FIG4: variants seen among roughly 807,000 people sequenced by gnomAD.
FIG4 encodes polyphosphoinositide phosphatase.
In FIG4, 112 loss-of-function variants were observed where a neutral mutation model predicts 118.6. That is an observed-to-expected ratio of 0.94 (90% confidence interval 0.81 to 1.11). FIG4 has a LOEUF of 1.11. Among genes scored for constraint, FIG4 ranks in the 50% least tolerant of loss-of-function variants. The pLI, the probability that FIG4 is intolerant of heterozygous loss-of-function variation, is 0.00. For synonymous variants in FIG4, 369 were observed against 381.2 expected (o/e 0.97, Z 0.37); for missense variants, 969 against 1,111.7 (o/e 0.87, Z 1.83).
chr6:109,757,427 TA>T (rs964367091), intron 10 of FIG4, among the ~76,000 whole-genome samples: 6 of 152,208 alleles, frequency 3.9e-5, no homozygotes, highest in African/African-American at 1.4e-4. Context: ...CCATTCATGC[TA>T]AAAACTCTCA....
chr6:109,731,410 C>T (rs189439747), intron 4 of FIG4, among the ~76,000 whole-genome samples: 57 of 152,208 alleles, frequency 3.7e-4, no homozygotes, highest in Admixed American at 3.2e-3. Flanking sequence ...AGCATTGTAT[C>T]TTATAGTGGA....
intron 16 of FIG4, among the ~76,000 whole-genome samples, chr6:109,779,428 A>G (rs188539779): frequency 4.5e-4 from 69 of 152,312 alleles, no homozygotes; most frequent in African/African-American, 1.6e-3. Flanking sequence ...CTAAAAAAGG[A>G]AATTGAGGTG....
chr6:109,741,070 T>C (rs965054973), intron 7 of FIG4, among the ~76,000 whole-genome samples: 7 of 151,956 alleles, frequency 4.6e-5, no homozygotes, highest in Non-Finnish European at 1.0e-4. Flanking sequence ...CCCTGACACG[T>C]GGGGATTACA....
intron 1 of FIG4, among the ~76,000 whole-genome samples, chr6:109,703,824 T>G (rs1454848841): frequency 6.6e-6 from 1 of 152,208 alleles, no homozygotes; most frequent in African/African-American, 2.4e-5. Flanking sequence ...GATCTTTCTT[T>G]GCTTTGACGA....
chr6:109,779,170 A>G (rs1197882167), intron 16 of FIG4, among the ~76,000 whole-genome samples: 2 of 152,158 alleles, frequency 1.3e-5, no homozygotes. Flanking sequence ...CTATATTTAT[A>G]TTTATTGATG....
intron 1 of FIG4, chr6:109,701,694 A>G (rs773708412): frequency 2.1e-6 from 1 of 471,558 alleles, no homozygotes; most frequent in South Asian, 1.5e-5. Context: ...CCCCCATCAC[A>G]GAAAGTAGAA....
intron 1 of FIG4, among the ~76,000 whole-genome samples, chr6:109,698,247 T>C (rs1774796449): frequency 6.6e-6 from 1 of 152,092 alleles, no homozygotes; most frequent in South Asian, 2.1e-4. Context: ...TTGATAATTG[T>C]AGTTTTATAG....
chr6:109,818,495 C>T (rs533381405), intron 22 of FIG4, among the ~76,000 whole-genome samples: 70 of 152,266 alleles, frequency 4.6e-4, no homozygotes, highest in African/African-American at 1.5e-3. Context: ...CCACCACACC[C>T]GGCCTCACAT....
At chr6:109,778,550 C>CAACT (rs1273414173) in intron 16 of FIG4, among the ~76,000 whole-genome samples, 2 of 151,402 alleles carry the variant, frequency 1.3e-5, no homozygotes, top group East Asian at 3.9e-4. Flanking sequence ...GGACCATGAA[C>CAACT]AACTGACAGA....
intron 3 of FIG4, among the ~76,000 whole-genome samples, chr6:109,724,719 A>G (rs1382748596): frequency 1.3e-5 from 2 of 152,144 alleles, no homozygotes; most frequent in African/African-American, 4.8e-5. Flanking sequence ...ATTCTTATGT[A>G]CAACTTTTAT....
intron 22 of FIG4, among the ~76,000 whole-genome samples, chr6:109,799,151 C>A (rs1476327599): frequency 1.3e-5 from 2 of 152,204 alleles, no homozygotes; most frequent in Non-Finnish European, 1.5e-5. Flanking sequence ...CTTGTGCATT[C>A]TTTTTCTTAA....
chr6:109,739,923 C>T (rs574438506), intron 7 of FIG4, among the ~76,000 whole-genome samples: 1 of 151,858 alleles, frequency 6.6e-6, no homozygotes, highest in African/African-American at 2.4e-5. Flanking sequence ...GTGAGGGGGA[C>T]GAAAGGCTAG....
At chr6:109,778,258 C>G (rs566245087) in intron 16 of FIG4, among the ~76,000 whole-genome samples, 5 of 150,948 alleles carry the variant, frequency 3.3e-5, no homozygotes, top group African/African-American at 1.2e-4. Flanking sequence ...GTCAGCAGTT[C>G]GAGACCAGCC....
intron 21 of FIG4, among the ~76,000 whole-genome samples, chr6:109,794,822 T>C (rs2128397950): frequency 6.6e-6 from 1 of 152,332 alleles, no homozygotes; most frequent in African/African-American, 2.4e-5. Context: ...ACCTGGCCTA[T>C]CACAGAACCA....
chr6:109,815,812 A>AC (rs1778847215), intron 22 of FIG4, among the ~76,000 whole-genome samples: 1 of 151,904 alleles, frequency 6.6e-6, no homozygotes, highest in Admixed American at 6.6e-5. Context: ...ACAAAAAAAA[A>AC]CAATAAAAAC....
At chr6:109,718,635 A>G (rs2128382009) in intron 3 of FIG4, among the ~76,000 whole-genome samples, 1 of 152,116 alleles carries the variant, frequency 6.6e-6, no homozygotes, top group East Asian at 1.9e-4. Context: ...TCTTCTCCTC[A>G]GGCCTGGCCC....
intron 22 of FIG4, among the ~76,000 whole-genome samples, chr6:109,809,018 G>GCATC (rs1302643194): frequency 6.6e-6 from 1 of 152,138 alleles, no homozygotes; most frequent in Non-Finnish European, 1.5e-5. Flanking sequence ...AGTGTGACAT[G>GCATC]CATCAATGGA....
intron 19 of FIG4, 53 bp from the exon 20 acceptor site, chr6:109,791,323 G>A (rs1402130020): frequency 1.4e-6 from 2 of 1,426,222 alleles, no homozygotes; most frequent in African/African-American, 2.8e-5. Flanking sequence ...ATAGACAGTG[G>A]GTGTTGAGGG....
At chr6:109,731,213 G>T (rs1775989530) in intron 4 of FIG4, among the ~76,000 whole-genome samples, 1 of 152,172 alleles carries the variant, frequency 6.6e-6, no homozygotes, top group Admixed American at 6.5e-5. Context: ...GAAATGAGTT[G>T]TATACTATGA....
Sources: allele counts gnomAD v4.1 joint callset (sites outside exome capture counted in the v4.1 genomes callset), GRCh38; gene constraint gnomAD v4.1.1; transcripts MANE v1.5; gene names NCBI Gene and HGNC (gene_info 2026-07-23, HGNC 2026-07-21).